PTPRT: variants seen among roughly 807,000 people sequenced by gnomAD.
PTPRT encodes the protein protein tyrosine phosphatase receptor type T.
A neutral mutation model predicts 176.8 loss-of-function variants in PTPRT; 56 were observed. The ratio of observed to expected loss-of-function variants is 0.32; its 90% confidence interval spans 0.26 to 0.40. The LOEUF (loss-of-function observed/expected upper bound fraction) is 0.40, where lower values mean the gene tolerates loss of function less well. Among genes scored for constraint, PTPRT ranks in the 10% least tolerant of loss-of-function variants. PTPRT has a pLI of 1.00. For missense variants in PTPRT, 1,540 were observed against 1,908.2 expected, an observed-to-expected ratio of 0.81 and a Z score of 3.60; for synonymous variants, 783 against 739.0, an observed-to-expected ratio of 1.06 and a Z score of -0.96.
At chr20:42,507,084 T>C (rs2071860088) in intron 7 of PTPRT, among the ~76,000 whole-genome samples, 1 of 152,138 alleles carries the variant, frequency 6.6e-6, no homozygotes, top group Non-Finnish European at 1.5e-5. Context: ...CAAATCTTAG[T>C]GGCTTGAAAA....
At position 42,870,336 on chromosome 20, in the gene PTPRT, T is replaced by C. The variant is rs982992801; in HGVS notation, c.214+15471A>G. ...TCCATGTTGTAGCATGTGCCAGGATTTCCTTCCTTGTTAAGGCTGAGTAAT... is the reference window on the plus strand; with the variant it reads ...TCCATGTTGTAGCATGTGCCAGGATCTCCTTCCTTGTTAAGGCTGAGTAAT... On this transcript the variant is annotated intron_variant, in intron 2 of 30. Transcript: ENST00000373187. Among the ~76,000 whole-genome samples the C allele has an allele frequency of 3.3e-5, 5 of 152,262 alleles. No individual in the cohort carries two copies. In the East Asian group the frequency reaches 7.7e-4, roughly 23 times the overall value.
intron 15 of PTPRT, among the ~76,000 whole-genome samples, chr20:42,208,700 C>A (rs1319585006): frequency 2.0e-5 from 3 of 152,184 alleles, no homozygotes; most frequent in Middle Eastern, 3.4e-3. Flanking sequence ...TAATGGGAGA[C>A]TTTAACACCC....
intron 6 of PTPRT, among the ~76,000 whole-genome samples, chr20:42,706,196 T>TGC (rs1270440458): frequency 6.7e-6 from 1 of 149,710 alleles, no homozygotes; most frequent in Non-Finnish European, 1.5e-5. Flanking sequence ...TGTGTGTGTG[T>TGC]GTGTGTGTGT....
rs149724896 is a variant in PTPRT, at chr20:42,676,893, A to G, written c.1153+973T>C. Among the ~76,000 whole-genome samples, 113 of 152,304 alleles carry G rather than the reference A, an allele frequency of 7.4e-4. 1 individual carries two copies. Among genetic ancestry groups the G allele is most frequent in the African/African-American group, 2.4e-3 (98 of 41,572 alleles). ...TAGCCCCTGATTAGAAATGCAGTAG[A>G]AGCCAGGAGGCCTGGGACACAGTTG... On this transcript the variant is annotated intron_variant, in intron 7 of 30. Transcript: ENST00000373187.
At chr20:42,579,616 T>C (rs977880553) in intron 7 of PTPRT, among the ~76,000 whole-genome samples, 7 of 152,202 alleles carry the variant, frequency 4.6e-5, no homozygotes, top group Non-Finnish European at 8.8e-5. Flanking sequence ...TGGTGTGAGA[T>C]GGTATCTCAT....
At chr20:42,494,321 A>G (rs746978421) in intron 7 of PTPRT, among the ~76,000 whole-genome samples, 1 of 152,140 alleles carries the variant, frequency 6.6e-6, no homozygotes, top group African/African-American at 2.4e-5. Context: ...CTCATTGCAA[A>G]TGTTATAAGA....
At chr20:42,611,383 T>C (rs1277591048) in intron 7 of PTPRT, among the ~76,000 whole-genome samples, 1 of 152,228 alleles carries the variant, frequency 6.6e-6, no homozygotes, top group Non-Finnish European at 1.5e-5. Flanking sequence ...GTGCTTCTTT[T>C]ATGTTATCTC....
In PTPRT at chr20:42,622,855, C is replaced by T. The variant is rs112379928; in HGVS notation, c.1153+55011G>A. On this transcript the variant is annotated intron_variant, in intron 7 of 30. Coordinates refer to ENST00000373187, the MANE Select transcript of PTPRT (RefSeq NM_007050.6). The stretch of plus-strand genomic sequence containing the variant: ...GAAGGCAGTTCCCGGGCAAAGGCCC[C>T]CCACCTTCAAGCCAAGAAACCCACA... Among the ~76,000 whole-genome samples the T allele has an allele frequency of 4.3e-3, 655 of 152,256 alleles. 6 individuals carry two copies. The highest frequency in any genetic ancestry group is 0.015 in the African/African-American group (616 of 41,546).
At chr20:43,064,765 C>G (rs1987616189) in intron 1 of PTPRT, among the ~76,000 whole-genome samples, 1 of 152,198 alleles carries the variant, frequency 6.6e-6, no homozygotes, top group Admixed American at 6.5e-5. Context: ...AATTATCCAC[C>G]ACCTGCTTAT....
chr20:43,083,320 G>GTATATATATA (rs779087395), intron 1 of PTPRT, among the ~76,000 whole-genome samples: 1 of 37,386 alleles, frequency 2.7e-5, no homozygotes, highest in Non-Finnish European at 7.0e-5. Context: ...CACTTCAAAT[G>GTATATATATA]TATATATATA....
chr20:42,778,949 C>T (rs2077176375), intron 4 of PTPRT, among the ~76,000 whole-genome samples: 4 of 152,102 alleles, frequency 2.6e-5, no homozygotes. Flanking sequence ...CAAAGAAGAG[C>T]CCAGTAGCAT....
At chr20:43,186,148 A>G (rs1466338339) in intron 1 of PTPRT, among the ~76,000 whole-genome samples, 2 of 152,232 alleles carry the variant, frequency 1.3e-5, no homozygotes, top group Admixed American at 1.3e-4. Context: ...TGGTTACCAC[A>G]AAGTCCAGCG....
rs545066614 is a variant in PTPRT, at chr20:42,802,492, C to T, written c.215-11026G>A. ...GAATATAATTAGACACTTATTGACT[C>T]CCCCAAATGTACTAAGGTCTGCAAA... On this transcript the variant is annotated intron_variant, in intron 2 of 30. Coordinates refer to ENST00000373187, the MANE Select transcript of PTPRT (RefSeq NM_007050.6). 2.0e-5 allele frequency among the ~76,000 whole-genome samples: 3 copies of T among 152,316 alleles called. No homozygotes were observed. The East Asian group carries it at 5.8e-4, about 29-fold the overall frequency.
intron 9 of PTPRT, among the ~76,000 whole-genome samples, chr20:42,420,794 G>A (rs1436947288): frequency 1.3e-5 from 2 of 152,166 alleles, no homozygotes; most frequent in African/African-American, 2.4e-5. Context: ...ACCAACCCCC[G>A]CCAAGACCTC....
chr20:42,906,065 A>T (rs2079473752), intron 1 of PTPRT, among the ~76,000 whole-genome samples: 1 of 152,216 alleles, frequency 6.6e-6, no homozygotes, highest in Non-Finnish European at 1.5e-5. Flanking sequence ...TATATATAAA[A>T]AAAAGAACCA....
intron 1 of PTPRT, among the ~76,000 whole-genome samples, chr20:42,906,917 T>C (rs1882550080): frequency 6.6e-6 from 1 of 151,738 alleles, no homozygotes; most frequent in African/African-American, 2.4e-5. Context: ...AGATAAACCA[T>C]GTGTTTCCTC....
chr20:42,044,933 C>G, the PTPRT span, among the ~76,000 whole-genome samples: 1 of 152,128 alleles, frequency 6.6e-6, no homozygotes, highest in African/African-American at 2.4e-5. Flanking sequence ...TTCTAAAGGC[C>G]GCCTGCATTT....
intron 2 of PTPRT, among the ~76,000 whole-genome samples, chr20:42,815,549 C>T (rs1211306781): frequency 6.6e-6 from 1 of 152,180 alleles, no homozygotes; most frequent in Non-Finnish European, 1.5e-5. Flanking sequence ...TTGTCATCTG[C>T]TTCCTAACGC....
chr20:43,088,738 T>C (rs2011707409), intron 1 of PTPRT, among the ~76,000 whole-genome samples: 1 of 152,138 alleles, frequency 6.6e-6, no homozygotes, highest in African/African-American at 2.4e-5. Context: ...ACCTTGCTTG[T>C]TACCAGTGGA....
Sources: gnomAD v4.1 joint callset for allele counts (sites outside exome capture counted in the v4.1 genomes callset) on GRCh38, gnomAD v4.1.1 for gene constraint, MANE v1.5 for transcripts, NCBI Gene and HGNC (gene_info 2026-07-23, HGNC 2026-07-21) for gene names.